DYSF: variants seen among roughly 807,000 people sequenced by gnomAD.
DYSF encodes dystrophy-associated fer-1-like 1.
In DYSF, 212 loss-of-function variants were observed where a neutral mutation model predicts 274.9. That is an observed-to-expected ratio of 0.77 (90% CI 0.69 to 0.86). The LOEUF (loss-of-function observed/expected upper bound fraction) is 0.86, where lower values mean the gene tolerates loss of function less well. Among genes scored for constraint, DYSF ranks in the 40% least tolerant of loss-of-function variants. The pLI, the probability that DYSF is intolerant of heterozygous loss-of-function variation, is 0.00. For synonymous variants in DYSF, 1,091 were observed against 1,078.7 expected (o/e 1.01, Z -0.22); for missense variants, 2,666 against 2,783.2 (o/e 0.96, Z 0.95).
intron 40 of DYSF, among the ~76,000 whole-genome samples, chr2:71,619,770 G>A (rs1435211406): frequency 1.3e-5 from 2 of 152,014 alleles, no homozygotes; most frequent in African/African-American, 4.8e-5. Context: ...TGCTAGCCTG[G>A]TACTCATTCA....
intron 4 of DYSF, among the ~76,000 whole-genome samples, chr2:71,508,459 T>A (rs1172214327): frequency 6.6e-6 from 1 of 152,256 alleles, no homozygotes; most frequent in Admixed American, 6.5e-5. Context: ...TTTCTTCAGT[T>A]TCCTTCCATT....
chr2:71,630,130 C>G (rs918276262), intron 41 of DYSF, among the ~76,000 whole-genome samples: 4 of 152,116 alleles, frequency 2.6e-5, no homozygotes, highest in African/African-American at 9.7e-5. Flanking sequence ...ATACTGGGAC[C>G]TCAGTTAGAT....
intron 30 of DYSF, among the ~76,000 whole-genome samples, chr2:71,577,522 GC>G (rs5832059): frequency 0.28 from 31,625 of 110,984 alleles, 3,773 homozygotes; most frequent in East Asian, 0.49. Flanking sequence ...CTCTCATGCA[GC>G]CCCCCCACTC....
intron 41 of DYSF, among the ~76,000 whole-genome samples, chr2:71,625,243 CTT>C (rs1429383953): frequency 2.0e-5 from 3 of 151,852 alleles, no homozygotes; most frequent in East Asian, 1.9e-4. Context: ...TTCTCTCTCT[CTT>C]GTTTAGAAAA....
intron 17 of DYSF, among the ~76,000 whole-genome samples, chr2:71,545,797 T>G (rs552179260): frequency 6.6e-6 from 1 of 152,284 alleles, no homozygotes; most frequent in East Asian, 1.9e-4. Flanking sequence ...TTCTATGCTG[T>G]GTGAGCCCTC....
intron 29 of DYSF, chr2:71,571,016 CACACTCAGCACACACACAGATT>C: frequency 2.0e-6 from 1 of 510,430 alleles, no homozygotes; most frequent in Non-Finnish European, 3.6e-6. Context: ...ACCCACAGAT[CACACTCAGCACACACACAGATT>C]ACACCCAGCA....
At chr2:71,640,669 T>G (rs1393191984) in intron 41 of DYSF, among the ~76,000 whole-genome samples, 2 of 152,174 alleles carry the variant, frequency 1.3e-5, no homozygotes, top group African/African-American at 4.8e-5. Context: ...CACGCCAGAT[T>G]GACTGCTGCC....
At chr2:71,604,324 T>G (rs2093609140) in intron 36 of DYSF, among the ~76,000 whole-genome samples, 2 of 152,202 alleles carry the variant, frequency 1.3e-5, no homozygotes, top group Non-Finnish European at 2.9e-5. Context: ...TGGGTGGTCC[T>G]TCTGTTGCCA....
intron 29 of DYSF, among the ~76,000 whole-genome samples, chr2:71,572,305 C>A (rs111274827): frequency 2.6e-4 from 20 of 75,616 alleles, no homozygotes; most frequent in East Asian, 8.9e-4. Flanking sequence ...ACAGATCACA[C>A]CCAGCACACA....
chr2:71,597,953 C>T (rs548208205), intron 32 of DYSF, among the ~76,000 whole-genome samples: 58 of 152,250 alleles, frequency 3.8e-4, no homozygotes, highest in Middle Eastern at 3.4e-3. Context: ...CTTGCTGAAA[C>T]GCAGACCTAG....
chr2:71,503,655 AG>A (rs1559022863), intron 4 of DYSF, among the ~76,000 whole-genome samples: 1 of 152,100 alleles, frequency 6.6e-6, no homozygotes, highest in African/African-American at 2.4e-5. Context: ...TCTCCCTGGC[AG>A]ACCTCCCCTC....
chr2:71,651,328 G>A (rs929432235), intron 42 of DYSF, among the ~76,000 whole-genome samples: 5 of 152,064 alleles, frequency 3.3e-5, no homozygotes, highest in Admixed American at 2.0e-4. Context: ...AGAAAACCAA[G>A]CCAAAATCCG....
At chr2:71,473,819 T>C (rs553223734) in intron 1 of DYSF, among the ~76,000 whole-genome samples, 2 of 152,156 alleles carry the variant, frequency 1.3e-5, no homozygotes, top group Non-Finnish European at 2.9e-5. Context: ...TCTCCAGAAC[T>C]TGTCATCCTC....
chr2:71,559,791 C>T (rs1204557618), intron 22 of DYSF, among the ~76,000 whole-genome samples: 1 of 152,240 alleles, frequency 6.6e-6, no homozygotes, highest in African/African-American at 2.4e-5. Flanking sequence ...GATCTGTTTG[C>T]GTCTCTGTTC....
At chr2:71,502,255 G>A (rs2152713974) in intron 3 of DYSF, among the ~76,000 whole-genome samples, 1 of 152,190 alleles carries the variant, frequency 6.6e-6, no homozygotes, top group South Asian at 2.1e-4. Flanking sequence ...ATCAATATTT[G>A]CAGAGACCAG....
rs368578643 is a variant in DYSF, at chr2:71,511,198, G to A, written c.346-609G>A. 1.4e-4 allele frequency among the ~76,000 whole-genome samples: 22 copies of A among 152,386 alleles called. No homozygotes were observed. The East Asian group carries it at 1.7e-3, about 12-fold the overall frequency. ...CCAGTCCCTCTCCTCTCTGGCCGGTGCAAGCCGGGGCAGCTGAGGATGTGC... is the reference window on the plus strand; with the variant it reads ...CCAGTCCCTCTCCTCTCTGGCCGGTACAAGCCGGGGCAGCTGAGGATGTGC... On this transcript the variant is annotated intron_variant, in intron 4 of 55. Coordinates refer to ENST00000410020, the MANE Select transcript of DYSF (RefSeq NM_001130987.2).
Position 71,612,806 on chromosome 2 carries a change from G to A in DYSF, c.4387G>A (p.Asp1463Asn). The stretch of plus-strand genomic sequence containing the variant: ...GAGTCCATCCCCACAGGGTGGCCCA[G>A]GTAGGGGAAGGGGAGATGATGGGCA... ...AESPSPQGGP[D>N]DVSLLSPGED... The change falls in exon 39 of 56, where the codon GAC becomes AAC. Residue 1463 changes from aspartate to asparagine, a missense_variant and splice_region_variant. Physicochemically the swap from Asp to Asn is conservative, Grantham distance 23 (BLOSUM62 1). This residue lies in a region of DYSF where 1,460 missense variants were observed against 1,502.1 expected (regional missense o/e 0.97). Transcript: ENST00000410020. 2 of 1,611,096 alleles carry A rather than the reference G, an allele frequency of 1.2e-6. No homozygotes were observed. The highest frequency in any genetic ancestry group is 8.5e-7 in the Non-Finnish European group (1 of 1,177,654).
chr2:71,514,174 T>A, intron 7 of DYSF, among the ~76,000 whole-genome samples: 1 of 144,102 alleles, frequency 6.9e-6, no homozygotes, highest in South Asian at 2.2e-4. Context: ...AAAAAGTCAC[T>A]GCAGAGATTC....
At chr2:71,502,306 T>C (rs2085060568) in intron 3 of DYSF, among the ~76,000 whole-genome samples, 1 of 152,016 alleles carries the variant, frequency 6.6e-6, no homozygotes, top group Non-Finnish European at 1.5e-5. Context: ...TGTTCATCCA[T>C]CAGGAAAAAG....
Sources: allele counts gnomAD v4.1 joint callset (sites outside exome capture counted in the v4.1 genomes callset), GRCh38; gene constraint gnomAD v4.1.1; regional missense constraint gnomAD v4.1.1; transcripts MANE v1.5; gene names NCBI Gene and HGNC (gene_info 2026-07-23, HGNC 2026-07-21).